The following MARCHF4 variants were observed in gnomAD, a reference collection of about 807,000 sequenced individuals.
MARCHF4 encodes the protein E3 ubiquitin-protein ligase MARCHF4.
MARCHF4 carries 14 observed loss-of-function variants against 43.9 expected under a neutral mutation model. The observed-to-expected ratio is 0.32, with a 90% CI of 0.21 to 0.50. The LOEUF is 0.50. Ranked by LOEUF, MARCHF4 falls within the 20% of genes least tolerant of loss-of-function variation. The pLI is 0.98. For synonymous variants in MARCHF4, 226 were observed against 213.3 expected, an observed-to-expected ratio of 1.06 and a Z score of -0.52; for missense variants, 468 against 536.7, an observed-to-expected ratio of 0.87 and a Z score of 1.27.
chr2:216,282,615 C>A (rs113352345), intron 2 of MARCHF4, among the ~76,000 whole-genome samples: 1 of 152,154 alleles, frequency 6.6e-6, no homozygotes, highest in African/African-American at 2.4e-5. Flanking sequence ...AAGCAAAATG[C>A]TCTTTGTATG....
At chr2:216,298,138 T>C (rs889048526) in intron 1 of MARCHF4, among the ~76,000 whole-genome samples, 2 of 152,102 alleles carry the variant, frequency 1.3e-5, no homozygotes, top group East Asian at 1.9e-4. Flanking sequence ...TCTTCATTCA[T>C]CTTCTGCTCA....
intron 1 of MARCHF4, among the ~76,000 whole-genome samples, chr2:216,358,072 T>C (rs1161743815): frequency 6.6e-6 from 1 of 152,226 alleles, no homozygotes; most frequent in East Asian, 1.9e-4. Context: ...GATTTTATTG[T>C]ATGTTTGTAT....
At chr2:216,350,358 C>T (rs969193256) in intron 1 of MARCHF4, among the ~76,000 whole-genome samples, 5 of 137,790 alleles carry the variant, frequency 3.6e-5, no homozygotes, top group Non-Finnish European at 7.8e-5. Flanking sequence ...TCCTTCATTA[C>T]GCCACACTCC....
Position 216,283,748 on chromosome 2 carries a change from G to A in MARCHF4, c.517-19C>T. The A allele has an allele frequency of 6.3e-7, 1 of 1,587,658 alleles. No individual in the cohort carries two copies. The highest frequency in any genetic ancestry group is 8.6e-7 in the Non-Finnish European group (1 of 1,161,374). ...GCTCCCCCTGCAGGGAGAGAGCACA[G>A]GGTGATGAGGCTGAGACCTACAGTG... On this transcript the variant is annotated intron_variant, in intron 1 of 3. Transcript: ENST00000273067.
At chr2:216,297,639 A>G (rs1020190862) in intron 1 of MARCHF4, among the ~76,000 whole-genome samples, 4 of 152,096 alleles carry the variant, frequency 2.6e-5, no homozygotes, top group Admixed American at 6.6e-5. Flanking sequence ...TTAGCCTCCC[A>G]CGTAGCTGGG....
chr2:216,304,953 C>CA lies in MARCHF4; in HGVS notation c.517-21225dup, dbSNP rs1451220839. On this transcript the variant is annotated intron_variant, in intron 1 of 3. Coordinates refer to ENST00000273067, the MANE Select transcript of MARCHF4 (RefSeq NM_020814.3). ...TGGGCAACACAGTGAGACTCCGTCT[C>CA]AAAAAAAAAAGAAAACATTCATAGA... Among the ~76,000 whole-genome samples, 1,099 of 146,376 alleles carry CA rather than the reference C, an allele frequency of 7.5e-3. 38 individuals carry two copies. The highest frequency in any genetic ancestry group is 0.067 in the Admixed American group (989 of 14,690).
chr2:216,284,248 C>T (rs1377611090), intron 1 of MARCHF4, among the ~76,000 whole-genome samples: 1 of 152,118 alleles, frequency 6.6e-6, no homozygotes, highest in African/African-American at 2.4e-5. Context: ...CAAATGCCCT[C>T]ACTGAAGGCC....
At position 216,329,163 on chromosome 2, in the gene MARCHF4, G is replaced by A. The variant is rs191174990; in HGVS notation, c.516+40582C>T. On this transcript the variant is annotated intron_variant, in intron 1 of 3. Transcript: ENST00000273067. ...TGGGAGGCCAAGGCGGGTGGATCAC[G>A]AGGTCAGGAGATCGAGACCATCCCG... 5.1e-3 allele frequency among the ~76,000 whole-genome samples: 776 copies of A among 152,280 alleles called. 9 individuals carry two copies. Among genetic ancestry groups the A allele is most frequent in the African/African-American group, 0.018 (734 of 41,556 alleles).
intron 2 of MARCHF4, among the ~76,000 whole-genome samples, chr2:216,278,967 C>T (rs572125715): frequency 1.3e-5 from 2 of 152,308 alleles, no homozygotes; most frequent in African/African-American, 4.8e-5. Context: ...TTTCTATGTG[C>T]TGGCCACTAT....
chr2:216,292,265 G>C (rs1353685765), intron 1 of MARCHF4, among the ~76,000 whole-genome samples: 1 of 152,216 alleles, frequency 6.6e-6, no homozygotes, highest in Non-Finnish European at 1.5e-5. Context: ...AAGGGACAGA[G>C]GTTTTTGGAA....
Position 216,305,923 on chromosome 2 carries a change from T to C in MARCHF4, c.517-22194A>G, listed in dbSNP as rs145489618. On this transcript the variant is annotated intron_variant, in intron 1 of 3. Coordinates refer to ENST00000273067, the MANE Select transcript of MARCHF4 (RefSeq NM_020814.3). Reference sequence around the variant, plus strand: ...GCCTTGGCATCCCACATATCTAATCTAAACATTCTCTGTTCTCACCAGGAC... The same window carrying C: ...GCCTTGGCATCCCACATATCTAATCCAAACATTCTCTGTTCTCACCAGGAC... Among the ~76,000 whole-genome samples, 1,066 of 152,310 alleles carry C rather than the reference T, an allele frequency of 7.0e-3. 8 individuals carry two copies. Among genetic ancestry groups the C allele is most frequent in the Admixed American group, 0.023 (352 of 15,300 alleles).
At chr2:216,324,702 C>G (rs1177183665) in intron 1 of MARCHF4, among the ~76,000 whole-genome samples, 1 of 146,076 alleles carries the variant, frequency 6.8e-6, no homozygotes, top group Non-Finnish European at 1.5e-5. Flanking sequence ...TAAACAGAAC[C>G]AAAGACAAAA....
chr2:216,314,620 G>A (rs556476001), intron 1 of MARCHF4, among the ~76,000 whole-genome samples: 1 of 152,266 alleles, frequency 6.6e-6, no homozygotes, highest in African/African-American at 2.4e-5. Flanking sequence ...ACCGTGCTTG[G>A]CCTGTAACTA....
rs377714709 is a variant in MARCHF4 at position 216,370,265 on chromosome 2, C to T, written c.-5G>A. On this transcript the variant is annotated 5_prime_UTR_variant, in exon 1 of 4. Transcript: ENST00000273067. ...CCCACACAGGGGCATCAGCATGTGC[C>T]CCGTGGAAGTAGAGAGCCCAAGAGG... 1.9e-5 allele frequency: 30 copies of T among 1,592,652 alleles called. No individual in the cohort carries two copies. In the South Asian group the frequency reaches 3.3e-4, roughly 17 times the overall value.
At chr2:216,262,536 A>G (rs1000862486) in intron 3 of MARCHF4, among the ~76,000 whole-genome samples, 3 of 152,184 alleles carry the variant, frequency 2.0e-5, no homozygotes, top group Non-Finnish European at 4.4e-5. Flanking sequence ...TTATGAGGTT[A>G]GAGGATTATT....
intron 1 of MARCHF4, among the ~76,000 whole-genome samples, chr2:216,301,732 C>A (rs867013756): frequency 6.6e-6 from 1 of 152,104 alleles, no homozygotes. Context: ...GACAATATAG[C>A]TTTTTAGCAT....
At chr2:216,357,022 C>CAA (rs374187959) in intron 1 of MARCHF4, among the ~76,000 whole-genome samples, 1 of 133,478 alleles carries the variant, frequency 7.5e-6, no homozygotes, top group African/African-American at 2.7e-5. Context: ...GACTCTGTCT[C>CAA]AAAAAAAAAA....
intron 1 of MARCHF4, among the ~76,000 whole-genome samples, chr2:216,336,369 G>A (rs887209375): frequency 3.9e-5 from 6 of 152,204 alleles, no homozygotes; most frequent in Admixed American, 2.0e-4. Context: ...TCAACAAACT[G>A]AGTAATCCGT....
chr2:216,330,975 A>G (rs1191383123), intron 1 of MARCHF4, among the ~76,000 whole-genome samples: 1 of 152,112 alleles, frequency 6.6e-6, no homozygotes, highest in Admixed American at 6.5e-5. Context: ...GAATCATAAA[A>G]ATAAGATCAG....
Sources: gnomAD v4.1 joint callset for allele counts (sites outside exome capture counted in the v4.1 genomes callset) on GRCh38, gnomAD v4.1.1 for gene constraint, MANE v1.5 for transcripts, NCBI Gene and HGNC (gene_info 2026-07-23, HGNC 2026-07-21) for gene names.